EVL: variants seen among roughly 807,000 people sequenced by gnomAD.
EVL encodes Enah/Vasp-like.
Under a neutral mutation model 59.6 loss-of-function variants are expected in EVL, and 21 were observed. That is an observed-to-expected ratio of 0.35 (90% CI 0.25 to 0.51). The LOEUF (loss-of-function observed/expected upper bound fraction) is 0.51, where lower values mean the gene tolerates loss of function less well. EVL is among the 20% of genes least tolerant of loss of function. The probability of loss-of-function intolerance (pLI) is 0.97; values close to 1 mark genes in which losing one functional copy is unlikely to be tolerated. For missense variants in EVL, 462 were observed against 546.6 expected (o/e 0.85, Z 1.54); for synonymous variants, 198 against 203.5 (o/e 0.97, Z 0.23).
At chr14:100,085,835 G>C (rs1474442503) in intron 2 of EVL, among the ~76,000 whole-genome samples, 1 of 152,108 alleles carries the variant, frequency 6.6e-6, no homozygotes, top group Non-Finnish European at 1.5e-5. Flanking sequence ...CTGATAAAAG[G>C]TAGTCTTTCT....
chr14:100,133,892 G>A (rs557636776), intron 8 of EVL, among the ~76,000 whole-genome samples: 3 of 152,140 alleles, frequency 2.0e-5, no homozygotes, highest in African/African-American at 2.4e-5. Context: ...AGCAGAGATC[G>A]CACCATTGCA....
intron 1 of EVL, among the ~76,000 whole-genome samples, chr14:100,049,007 T>G (rs1048820839): frequency 3.3e-5 from 5 of 152,178 alleles, no homozygotes; most frequent in African/African-American, 1.2e-4. Context: ...GCCTTCTGAT[T>G]GTGGTGGTGG....
chr14:100,055,758 T>A (rs1334458576), intron 1 of EVL, among the ~76,000 whole-genome samples: 2 of 152,238 alleles, frequency 1.3e-5, no homozygotes, highest in Non-Finnish European at 2.9e-5. Flanking sequence ...AGTGTTTGTG[T>A]CTGTATGTGT....
At chr14:100,003,914 A>T (rs1473663046) in intron 1 of EVL, among the ~76,000 whole-genome samples, 1 of 152,194 alleles carries the variant, frequency 6.6e-6, no homozygotes, top group Non-Finnish European at 1.5e-5. Flanking sequence ...CCTTTAAAAA[A>T]ATGTTAGAGG....
chr14:100,071,737 C>T (rs963863313), intron 1 of EVL, among the ~76,000 whole-genome samples: 19 of 152,124 alleles, frequency 1.2e-4, no homozygotes, highest in Non-Finnish European at 2.6e-4. Flanking sequence ...TGCAAGGTGG[C>T]GGTTCCCCCT....
At chr14:100,048,345 C>T (rs1042054580) in intron 1 of EVL, among the ~76,000 whole-genome samples, 1 of 152,142 alleles carries the variant, frequency 6.6e-6, no homozygotes, top group Non-Finnish European at 1.5e-5. Context: ...AAGACAGACA[C>T]TTCACCAAAG....
At chr14:99,992,493 A>G (rs1039923683) in intron 1 of EVL, among the ~76,000 whole-genome samples, 1 of 152,216 alleles carries the variant, frequency 6.6e-6, no homozygotes, top group African/African-American at 2.4e-5. Flanking sequence ...TATTATATTC[A>G]GGACATCATT....
rs559458636 is a variant in EVL at position 100,102,593 on chromosome 14, G to A, written c.358+4935G>A. 7.2e-5 allele frequency among the ~76,000 whole-genome samples: 11 copies of A among 152,274 alleles called. No homozygotes were observed. In the South Asian group the frequency reaches 8.3e-4, roughly 11 times the overall value. ...TCCTCGTCTGGCTTCTGAAAGAGACGCCATCTGGTGTAATGATGGGGAAGG... is the reference window on the plus strand; with the variant it reads ...TCCTCGTCTGGCTTCTGAAAGAGACACCATCTGGTGTAATGATGGGGAAGG... On this transcript the variant is annotated intron_variant, in intron 3 of 13. Coordinates refer to ENST00000392920, the MANE Select transcript of EVL (RefSeq NM_016337.3).
chr14:99,989,351 A>G (rs1355195346), intron 1 of EVL, among the ~76,000 whole-genome samples: 1 of 152,180 alleles, frequency 6.6e-6, no homozygotes, highest in Non-Finnish European at 1.5e-5. Context: ...CTTCATCGTT[A>G]TTAAAACACC....
In EVL at chr14:100,066,650, A is replaced by T. The variant is rs546816265; in HGVS notation, c.11+1139A>T. ...ACAGAATGCTTTTCATTTCAAAGGC[A>T]TATCAACTTCCAAAGTCATTTTCAG... On this transcript the variant is annotated intron_variant, in intron 1 of 13. Transcript: ENST00000392920. Among the ~76,000 whole-genome samples, 4 of 152,352 alleles carry T rather than the reference A, an allele frequency of 2.6e-5. No homozygotes were observed. The South Asian group carries it at 8.3e-4, about 32-fold the overall frequency.
intron 1 of EVL, among the ~76,000 whole-genome samples, chr14:100,051,281 C>G (rs1054782539): frequency 2.0e-5 from 3 of 152,194 alleles, no homozygotes; most frequent in Non-Finnish European, 4.4e-5. Context: ...TCCATGCTGT[C>G]CACGCTACCT....
intron 1 of EVL, among the ~76,000 whole-genome samples, chr14:100,014,229 A>G (rs1469847562): frequency 1.3e-5 from 2 of 152,156 alleles, no homozygotes; most frequent in East Asian, 3.8e-4. Context: ...TCTGGTAACC[A>G]TCATTCTACT....
rs60834825 is a variant in EVL, at chr14:100,022,278, G to GTT, written c.5+50236_5+50237dup. ...GAAGGAAGGGCCACATTCTTGGTTT[G>GTT]TTTTTTTTTTTTTTTTGGAGACAGA... is the stretch of plus-strand genomic sequence containing the variant. On this transcript the variant is annotated intron_variant, in intron 1 of 13. Coordinates refer to the EVL transcript ENST00000402714. Among the ~76,000 whole-genome samples, 736 of 129,146 alleles carry GTT rather than the reference G, an allele frequency of 5.7e-3. 4 individuals carry two copies. Among genetic ancestry groups the GTT allele is most frequent in the African/African-American group, 0.019 (661 of 35,154 alleles). The allele number at this position is 129,146 out of a possible 152,430, so 84.7% of individuals were successfully genotyped here.
At chr14:100,087,969 G>T (rs569763415) in intron 2 of EVL, among the ~76,000 whole-genome samples, 2 of 152,334 alleles carry the variant, frequency 1.3e-5, no homozygotes, top group East Asian at 3.9e-4. Context: ...AAGGGGGCAT[G>T]ACTGCGATTT....
intron 1 of EVL, among the ~76,000 whole-genome samples, chr14:100,008,003 A>G (rs1266429848): frequency 6.6e-6 from 1 of 152,192 alleles, no homozygotes; most frequent in Non-Finnish European, 1.5e-5. Flanking sequence ...TAGAAGCAAC[A>G]CCCAACCTCA....
chr14:100,097,386 TC>T, intron 2 of EVL, 94 bp from the exon 3 acceptor site: 1 of 1,101,022 alleles, frequency 9.1e-7, no homozygotes, highest in South Asian at 1.6e-5. Flanking sequence ...CTTCCTGTCC[TC>T]TCAAGGATAC....
At chr14:99,983,982 T>C (rs1199789441) in intron 1 of EVL, among the ~76,000 whole-genome samples, 1 of 152,166 alleles carries the variant, frequency 6.6e-6, no homozygotes, top group African/African-American at 2.4e-5. Context: ...TGATCTCTGC[T>C]AGAACCCCAG....
intron 1 of EVL, among the ~76,000 whole-genome samples, chr14:100,066,865 C>T (rs1190959): frequency 0.77 from 116,912 of 152,160 alleles, 45,879 homozygotes; most frequent in Non-Finnish European, 0.84. Context: ...GTTTTGGGCA[C>T]CTTATTCTCC....
intron 1 of EVL, among the ~76,000 whole-genome samples, chr14:100,027,364 A>G (rs2061231660): frequency 6.6e-6 from 1 of 152,002 alleles, no homozygotes; most frequent in African/African-American, 2.4e-5. Context: ...ATCAAACTGT[A>G]TTTCTGTACC....
Sources: allele counts gnomAD v4.1 joint callset (sites outside exome capture counted in the v4.1 genomes callset), GRCh38; gene constraint gnomAD v4.1.1; transcripts MANE v1.5; gene names NCBI Gene and HGNC (gene_info 2026-07-23, HGNC 2026-07-21).